The following WDR7 variants were observed in gnomAD, a reference collection of about 807,000 sequenced individuals.
WDR7 encodes WD repeat domain 7.
A neutral mutation model predicts 169.4 loss-of-function variants in WDR7; 46 were observed. The ratio of observed to expected loss-of-function variants is 0.27; its 90% CI spans 0.21 to 0.35. WDR7 has a LOEUF of 0.35. WDR7 is among the 10% of genes least tolerant of loss of function. The pLI, the probability that WDR7 is intolerant of heterozygous loss-of-function variation, is 1.00. For missense variants in WDR7, 1,534 were observed against 1,859.3 expected, an observed-to-expected ratio of 0.83 and a Z score of 3.22; for synonymous variants, 612 against 666.8, an observed-to-expected ratio of 0.92 and a Z score of 1.27.
chr18:56,937,569 C>T (rs2046977188), intron 23 of WDR7, among the ~76,000 whole-genome samples: 2 of 152,096 alleles, frequency 1.3e-5, no homozygotes, highest in Non-Finnish European at 2.9e-5. Flanking sequence ...ATTCTTTCTC[C>T]TCTGAACTAT....
chr18:56,948,440 C>G (rs1226204807), intron 25 of WDR7, among the ~76,000 whole-genome samples: 1 of 151,812 alleles, frequency 6.6e-6, no homozygotes, highest in Non-Finnish European at 1.5e-5. Flanking sequence ...CTTTGTTGGG[C>G]TCTGTCCCAA....
At chr18:56,896,934 A>G (rs1309417756) in intron 21 of WDR7, among the ~76,000 whole-genome samples, 2 of 151,870 alleles carry the variant, frequency 1.3e-5, no homozygotes, top group East Asian at 3.8e-4. Context: ...GTCACTGACA[A>G]GAGATGGTTA....
chr18:56,873,477 G>A, intron 20 of WDR7: 1 of 152,166 alleles, frequency 6.6e-6, no homozygotes, highest in East Asian at 1.9e-4. Flanking sequence ...TTAAACAAAA[G>A]GAACATAAAG....
chr18:56,836,324 C>CT (rs2045395650), intron 20 of WDR7, among the ~76,000 whole-genome samples: 1 of 152,194 alleles, frequency 6.6e-6, no homozygotes, highest in Non-Finnish European at 1.5e-5. Flanking sequence ...CAACCAGCCC[C>CT]TACCTCACTG....
intron 26 of WDR7, among the ~76,000 whole-genome samples, chr18:57,004,407 A>G (rs2145895951): frequency 6.6e-6 from 1 of 152,230 alleles, no homozygotes; most frequent in South Asian, 2.1e-4. Context: ...ACTATTATAA[A>G]TAGTACTTAG....
intron 19 of WDR7, among the ~76,000 whole-genome samples, chr18:56,797,215 T>G (rs1051897324): frequency 1.3e-5 from 2 of 152,184 alleles, no homozygotes; most frequent in Non-Finnish European, 2.9e-5. Context: ...GAAGTTGAAC[T>G]GAGCTAAGGA....
chr18:57,001,502 T>G (rs930088300), intron 26 of WDR7, among the ~76,000 whole-genome samples: 4 of 152,192 alleles, frequency 2.6e-5, no homozygotes, highest in Non-Finnish European at 4.4e-5. Context: ...ACTCACTCTT[T>G]CCTGATGTAT....
chr18:56,786,657 A>G (rs2044405749), intron 19 of WDR7, among the ~76,000 whole-genome samples: 1 of 152,156 alleles, frequency 6.6e-6, no homozygotes, highest in South Asian at 2.1e-4. Context: ...TCCTTTAAAA[A>G]TATCGTGAGT....
chr18:57,005,715 G>T (rs75144296), intron 26 of WDR7, among the ~76,000 whole-genome samples: 6 of 152,040 alleles, frequency 3.9e-5, no homozygotes, highest in Admixed American at 1.3e-4. Context: ...TAAATCAGGG[G>T]TGTCTTAATC....
At chr18:56,908,407 C>T (rs59679518) in intron 21 of WDR7, among the ~76,000 whole-genome samples, 6,636 of 152,222 alleles carry the variant, frequency 0.044, 495 homozygotes, top group African/African-American at 0.15. Context: ...TCTTTGATTA[C>T]GAACCCAGTT....
At chr18:56,966,160 A>T (rs2047405605) in intron 26 of WDR7, among the ~76,000 whole-genome samples, 1 of 152,128 alleles carries the variant, frequency 6.6e-6, no homozygotes, top group Admixed American at 6.6e-5. Context: ...ACAATTGAGG[A>T]TTTATAACCA....
intron 20 of WDR7, among the ~76,000 whole-genome samples, chr18:56,856,869 A>T (rs562525081): frequency 1.4e-4 from 21 of 152,258 alleles, no homozygotes; most frequent in African/African-American, 4.3e-4. Flanking sequence ...AGCTATTCTA[A>T]AAGTTTTTTA....
intron 26 of WDR7, among the ~76,000 whole-genome samples, chr18:57,000,439 T>TGCCCCTTTGTTGGGTTATTTTA (rs2047959745): frequency 6.6e-6 from 1 of 152,186 alleles, no homozygotes; most frequent in Admixed American, 6.5e-5. Flanking sequence ...TTGTTTCCTG[T>TGCCCCTTTGTTGGGTTATTTTA]GCCCCTTTGT....
intron 25 of WDR7, among the ~76,000 whole-genome samples, chr18:56,945,511 C>T (rs1306683456): frequency 2.0e-5 from 3 of 152,166 alleles, no homozygotes; most frequent in Admixed American, 6.6e-5. Context: ...CTGTCAAGAA[C>T]ATGCTAGGAA....
intron 26 of WDR7, chr18:57,009,788 T>A (rs10747222): frequency 0.85 from 791,678 of 935,350 alleles, 338,580 homozygotes; most frequent in East Asian, 0.88. Flanking sequence ...TTTCAAAAAA[T>A]ATAAATTCCC....
chr18:56,996,181 T>A (rs2047896741), intron 26 of WDR7, among the ~76,000 whole-genome samples: 1 of 152,228 alleles, frequency 6.6e-6, no homozygotes, highest in East Asian at 1.9e-4. Context: ...ATAAATTGAT[T>A]GAGAATCTGT....
intron 20 of WDR7, among the ~76,000 whole-genome samples, chr18:56,849,713 A>G (rs2045614954): frequency 6.6e-6 from 1 of 152,228 alleles, no homozygotes; most frequent in Non-Finnish European, 1.5e-5. Context: ...CATTCAAATC[A>G]TGTCACTTTC....
chr18:56,991,230 T>C (rs573258990), intron 26 of WDR7, among the ~76,000 whole-genome samples: 1 of 141,608 alleles, frequency 7.1e-6, no homozygotes, highest in Non-Finnish European at 1.5e-5. Context: ...CACCGCAAGC[T>C]CCGCCTCCTG....
At chr18:57,009,781 C>CA (rs2048112348) in intron 26 of WDR7, 19 of 908,508 alleles carry the variant, frequency 2.1e-5, no homozygotes, top group South Asian at 1.0e-4. Context: ...AACATAATTT[C>CA]AAAAAATATA....
Sources: allele counts gnomAD v4.1 joint callset (sites outside exome capture counted in the v4.1 genomes callset), GRCh38; gene constraint gnomAD v4.1.1; transcripts MANE v1.5; gene names NCBI Gene and HGNC (gene_info 2026-07-23, HGNC 2026-07-21).